DNAJB13: variants seen among roughly 807,000 people sequenced by gnomAD.
The protein encoded by DNAJB13 is dnaJ homolog subfamily B member 13.
DNAJB13 carries 22 observed loss-of-function variants against 35.6 expected under a neutral mutation model. That is an observed-to-expected ratio of 0.62 (90% CI 0.44 to 0.88). The LOEUF is 0.88. Among genes scored for constraint, DNAJB13 ranks in the 40% least tolerant of loss-of-function variants. DNAJB13 has a pLI of 0.00. For missense variants in DNAJB13, 370 were observed against 384.3 expected (o/e 0.96, Z 0.31); for synonymous variants, 136 against 144.2 (o/e 0.94, Z 0.41).
chr11:73,964,879 GTT>G lies in DNAJB13; in HGVS notation c.341_342del (p.Phe114Ter). 1.2e-6 allele frequency: 2 copies of G among 1,612,124 alleles called. No homozygotes were observed. Among genetic ancestry groups the G allele is most frequent in the Non-Finnish European group, 1.7e-6 (2 of 1,179,468 alleles). The part of the protein sequence containing the change: ...FFGGNNPFSE[F>X]FDAEGSEVDL... ...TACTCCTCTCCCTACCTCCTGCAGA[GTT>G]TTTTGATGCAGAAGGAAGTGAGGTA... is the stretch of plus-strand genomic sequence containing the variant. On this transcript the variant is annotated frameshift_variant and splice_region_variant, in exon 4 of 8. Coordinates refer to ENST00000339764, the MANE Select transcript of DNAJB13 (RefSeq NM_153614.4). LOFTEE classifies it high-confidence loss of function.
intron 1 of DNAJB13, among the ~76,000 whole-genome samples, chr11:73,956,889 G>A (rs1950759919): frequency 6.6e-6 from 1 of 152,092 alleles, no homozygotes; most frequent in African/African-American, 2.4e-5. Flanking sequence ...GCACTTGGAG[G>A]TAGTCTTTGG....
intron 4 of DNAJB13, 165 bp from the exon 5 acceptor site, chr11:73,965,973 T>C (rs1951103108): frequency 3.1e-6 from 2 of 653,962 alleles, no homozygotes; most frequent in Non-Finnish European, 5.4e-6. Context: ...TCCCCATTGC[T>C]GGAGGCTCTT....
At chr11:73,962,566 A>G (rs931000989) in intron 3 of DNAJB13, among the ~76,000 whole-genome samples, 5 of 152,286 alleles carry the variant, frequency 3.3e-5, no homozygotes, top group Non-Finnish European at 7.4e-5. Flanking sequence ...TCTGAGGCTC[A>G]GAATCATCTT....
intron 1 of DNAJB13, among the ~76,000 whole-genome samples, chr11:73,955,054 A>G (rs1378588973): frequency 6.6e-6 from 1 of 152,160 alleles, no homozygotes; most frequent in Non-Finnish European, 1.5e-5. Flanking sequence ...TCTAAGTCAC[A>G]TGTATGACAT....
At chr11:73,954,898 C>G (rs1409613063) in intron 1 of DNAJB13, among the ~76,000 whole-genome samples, 1 of 151,950 alleles carries the variant, frequency 6.6e-6, no homozygotes, top group African/African-American at 2.4e-5. Flanking sequence ...TTGCAGTGAA[C>G]CAAGATTGAG....
Position 73,964,925 on chromosome 11 carries a change from C to A in DNAJB13, c.382C>A (p.Leu128Ile). 1 of 1,613,716 alleles carries A rather than the reference C, an allele frequency of 6.2e-7. No individual in the cohort carries two copies. Residue 128 changes from leucine (L) to isoleucine (I), a missense_variant, in exon 4 of 8, where the codon CTC becomes ATC. Leu to Ile is a conservative substitution (Grantham distance 5, BLOSUM62 2). Transcript: ENST00000339764. ...TGAGGTAGATTTGAACTTTGGGGGG[C>A]TCCAGGGCCGAGGGGTCAAGAAGCA... ...GSEVDLNFGG[L>I]QGRGVKKQDP... is the part of the protein sequence containing the mutation.
intron 3 of DNAJB13, among the ~76,000 whole-genome samples, chr11:73,961,160 G>C (rs1950921919): frequency 6.6e-6 from 1 of 152,024 alleles, no homozygotes; most frequent in African/African-American, 2.4e-5. Flanking sequence ...TGTATCTGTA[G>C]TTCCAGCTAC....
chr11:73,969,820 T>G (rs1951230793), intron 7 of DNAJB13, 141 bp from the exon 8 acceptor site: 2 of 1,120,196 alleles, frequency 1.8e-6, no homozygotes, highest in African/African-American at 1.6e-5. Context: ...CCCAACCAGT[T>G]CTGGCTAAGA....
chr11:73,959,693 A>G (rs1485401226), intron 3 of DNAJB13, 38 bp downstream of exon 3: 2 of 1,593,662 alleles, frequency 1.3e-6, no homozygotes, highest in African/African-American at 2.7e-5. Flanking sequence ...CTTATAGAGA[A>G]AGGACACTGC....
rs3222042 is a variant in DNAJB13, at chr11:73,964,765, CTGTGTGTGTGTGTGTG to C, written c.335-80_335-65del. The C allele has an allele frequency of 1.2e-3, 821 of 659,326 alleles. 4 individuals carry two copies. Among genetic ancestry groups the C allele is most frequent in the South Asian group, 1.5e-3 (91 of 58,812 alleles). The allele number at this position is 659,326 out of a possible 1,614,324, so 40.8% of individuals were successfully genotyped here. A position where few individuals can be genotyped will look rare whatever the true frequency, so the allele number is the denominator to read the frequency against. On this transcript the variant is annotated intron_variant, in intron 3 of 7. Transcript: ENST00000339764. ...TGGGGAGCATATCTGGATAGGGAGG[CTGTGTGTGTGTGTGTG>C]TGTGTGTGTGTGTGTGTGTGTGTGT... is the stretch of plus-strand genomic sequence containing the variant.
Position 73,968,326 on chromosome 11 carries a change from T to C in DNAJB13, c.607-19T>C. On this transcript the variant is annotated intron_variant, in intron 5 of 7. Transcript: ENST00000339764. The stretch of plus-strand genomic sequence containing the variant: ...CACGGCCAACTAGTCCTTGTCACCT[T>C]TTGGCGTCCCCTGCCCAGGGCCCCA... 1 of 1,612,320 alleles carries C rather than the reference T, an allele frequency of 6.2e-7. No homozygotes were observed. Among genetic ancestry groups the C allele is most frequent in the South Asian group, 1.1e-5 (1 of 91,028 alleles).
Position 73,954,001 on chromosome 11 carries a change from A to T in DNAJB13, c.68+2864A>T, listed in dbSNP as rs1184137836. 3.4e-4 allele frequency among the ~76,000 whole-genome samples: 13 copies of T among 37,802 alleles called. No individual in the cohort carries two copies. The East Asian group carries it at 3.9e-3, about 11-fold the overall frequency. The allele number at this position is 37,802 out of a possible 152,430, so 24.8% of individuals were successfully genotyped here. ...GACTCTGTCTCAAAAATAATAATAA[A>T]ATAATAATAATAATAATAATAATAA... On this transcript the variant is annotated intron_variant, in intron 1 of 7. Coordinates refer to ENST00000339764, the MANE Select transcript of DNAJB13 (RefSeq NM_153614.4).
chr11:73,969,579 C>T (rs946044188), intron 7 of DNAJB13, among the ~76,000 whole-genome samples: 3 of 152,224 alleles, frequency 2.0e-5, no homozygotes, highest in Non-Finnish European at 4.4e-5. Flanking sequence ...GTTGGGCAAC[C>T]CTGTAGCCTC....
intron 2 of DNAJB13, 112 bp from the exon 3 acceptor site, chr11:73,959,382 G>A: frequency 8.0e-7 from 1 of 1,254,320 alleles, no homozygotes; most frequent in Non-Finnish European, 1.1e-6. Context: ...GGCACTTTGG[G>A]ATCAGGCTGC....
In DNAJB13 at chr11:73,969,945, T is replaced by C. The variant is rs1951233752; in HGVS notation, c.798-16T>C. ...CTGGGATGCCCTCTATGCTCCTTTC[T>C]TTCATCCTATTTCAGCCCCAAATAC... is the stretch of plus-strand genomic sequence containing the variant. On this transcript the variant is annotated splice_polypyrimidine_tract_variant and intron_variant, in intron 7 of 7. Coordinates refer to ENST00000339764, the MANE Select transcript of DNAJB13 (RefSeq NM_153614.4). 1 of 1,601,806 alleles carries C rather than the reference T, an allele frequency of 6.2e-7. No homozygotes were observed. The highest frequency in any genetic ancestry group is 8.5e-7 in the Non-Finnish European group (1 of 1,173,336).
chr11:73,965,645 G>C (rs1591201289), intron 4 of DNAJB13: 1 of 165,040 alleles, frequency 6.1e-6, no homozygotes, highest in South Asian at 1.6e-4. Context: ...CATGCGACTG[G>C]GGAGTGGAAG....
At chr11:73,951,263 C>T in intron 1 of DNAJB13, 126 bp downstream of exon 1, 1 of 1,150,810 alleles carries the variant, frequency 8.7e-7, no homozygotes, top group Non-Finnish European at 1.2e-6. Context: ...CCTTTCACTT[C>T]TTGCATACCT....
At chr11:73,968,834 C>T in intron 6 of DNAJB13, among the ~76,000 whole-genome samples, 1 of 152,168 alleles carries the variant, frequency 6.6e-6, no homozygotes, top group East Asian at 1.9e-4. Context: ...GCATAGCACC[C>T]TGCCTGTGTG....
Position 73,966,149 on chromosome 11 carries a change from G to A in DNAJB13, c.504G>A (p.Glu168=). 1 of 1,613,164 alleles carries A rather than the reference G, an allele frequency of 6.2e-7. No homozygotes were observed. Among genetic ancestry groups the A allele is most frequent in the African/African-American group, 1.3e-5 (1 of 75,012 alleles). ...ATATGTTGCTATAGGTGCTGAACGA[G>A]GATGGGTACTCCTCCACCATCAAGG... ...KIKISRRVLN[E]DGYSSTIKDK... is the part of the protein sequence containing the mutation. The change falls in exon 5 of 8, where the codon GAG becomes GAA. Residue 168 remains glutamate, a synonymous_variant. Coordinates refer to ENST00000339764, the MANE Select transcript of DNAJB13 (RefSeq NM_153614.4).
Sources: allele counts gnomAD v4.1 joint callset (sites outside exome capture counted in the v4.1 genomes callset), GRCh38; gene constraint gnomAD v4.1.1; transcripts MANE v1.5; gene names NCBI Gene and HGNC (gene_info 2026-07-23, HGNC 2026-07-21).